CNTNAP5: variants seen among roughly 807,000 people sequenced by gnomAD.
CNTNAP5 encodes contactin associated protein family member 5.
CNTNAP5 carries 72 observed loss-of-function variants against 150.2 expected under a neutral mutation model. That is an observed-to-expected ratio of 0.48 (90% CI 0.40 to 0.58). The LOEUF (loss-of-function observed/expected upper bound fraction) is 0.58. CNTNAP5 is among the 20% of genes least tolerant of loss of function. The pLI is 0.00. For synonymous variants in CNTNAP5, 672 were observed against 619.8 expected, an observed-to-expected ratio of 1.08 and a Z score of -1.25; for missense variants, 1,636 against 1,626.2, an observed-to-expected ratio of 1.01 and a Z score of -0.10.
chr2:124,091,539 A>C (rs570676219), intron 1 of CNTNAP5, among the ~76,000 whole-genome samples: 157 of 152,312 alleles, frequency 1.0e-3, no homozygotes, highest in African/African-American at 3.5e-3. Flanking sequence ...GTTGCCAGGC[A>C]AATTCAGTGA....
At chr2:124,692,769 G>A (rs928375240) in intron 13 of CNTNAP5, among the ~76,000 whole-genome samples, 1 of 152,104 alleles carries the variant, frequency 6.6e-6, no homozygotes, top group South Asian at 2.1e-4. Context: ...CAGATGATGG[G>A]ATTAGAGTTG....
intron 22 of CNTNAP5, 74 bp from the exon 23 acceptor site, chr2:124,911,393 G>T: frequency 2.8e-6 from 3 of 1,077,078 alleles, no homozygotes; most frequent in Non-Finnish European, 4.2e-6. Context: ...TGTCATTCCA[G>T]GTGGGCCACA....
intron 12 of CNTNAP5, among the ~76,000 whole-genome samples, chr2:124,639,184 T>C (rs1678038276): frequency 6.6e-6 from 1 of 152,152 alleles, no homozygotes; most frequent in African/African-American, 2.4e-5. Flanking sequence ...GTACTTGCAG[T>C]ATAGCATGGG....
chr2:124,592,863 G>C (rs1024349111), intron 11 of CNTNAP5, among the ~76,000 whole-genome samples: 4 of 151,664 alleles, frequency 2.6e-5, no homozygotes, highest in African/African-American at 9.7e-5. Flanking sequence ...TTAGTGCTTT[G>C]TGATGCAAAT....
At chr2:124,599,689 C>G (rs1696935544) in intron 11 of CNTNAP5, among the ~76,000 whole-genome samples, 1 of 152,108 alleles carries the variant, frequency 6.6e-6, no homozygotes, top group African/African-American at 2.4e-5. Context: ...CATTTACTCT[C>G]ACAATATTAC....
chr2:124,368,263 G>C (rs1414198855), intron 3 of CNTNAP5, among the ~76,000 whole-genome samples: 1 of 152,134 alleles, frequency 6.6e-6, no homozygotes, highest in Non-Finnish European at 1.5e-5. Flanking sequence ...TCTGTAAGGA[G>C]ATACACAAAA....
At chr2:124,617,721 C>T (rs900012075) in intron 12 of CNTNAP5, among the ~76,000 whole-genome samples, 1 of 152,008 alleles carries the variant, frequency 6.6e-6, no homozygotes, top group African/African-American at 2.4e-5. Context: ...AAATTCAACC[C>T]TTAATAGTAT....
intron 1 of CNTNAP5, among the ~76,000 whole-genome samples, chr2:124,115,781 C>A (rs749395751): frequency 5.6e-4 from 68 of 121,554 alleles, no homozygotes; most frequent in Non-Finnish European, 1.0e-3. Context: ...GATGCCACCA[C>A]GCCTGGCTAA....
At chr2:124,514,837 G>A (rs1010324395) in intron 8 of CNTNAP5, among the ~76,000 whole-genome samples, 18 of 152,208 alleles carry the variant, frequency 1.2e-4, no homozygotes, top group African/African-American at 4.3e-4. Context: ...TTAGCTGCCT[G>A]GGGCCCAGAT....
chr2:124,491,706 A>T (rs1362715279), intron 7 of CNTNAP5, among the ~76,000 whole-genome samples: 1 of 151,530 alleles, frequency 6.6e-6, no homozygotes, highest in East Asian at 1.9e-4. Flanking sequence ...CATTACTACC[A>T]ATTGTGTACA....
chr2:124,889,187 C>A (rs1678143112), intron 21 of CNTNAP5, among the ~76,000 whole-genome samples: 1 of 150,282 alleles, frequency 6.7e-6, no homozygotes, highest in Non-Finnish European at 1.5e-5. Context: ...CAACCTCTGC[C>A]TCCCAGGTTT....
chr2:124,705,545 A>G (rs1046440312), intron 13 of CNTNAP5, among the ~76,000 whole-genome samples: 5 of 152,058 alleles, frequency 3.3e-5, no homozygotes, highest in Non-Finnish European at 7.4e-5. Flanking sequence ...TAAAAATAAT[A>G]AATAAATAAA....
intron 11 of CNTNAP5, among the ~76,000 whole-genome samples, chr2:124,592,148 CT>C (rs1427464225): frequency 6.6e-6 from 1 of 151,990 alleles, no homozygotes; most frequent in African/African-American, 2.4e-5. Flanking sequence ...TGATTTCTGT[CT>C]TTTTGCAAGC....
intron 11 of CNTNAP5, among the ~76,000 whole-genome samples, chr2:124,574,200 G>T (rs1158686712): frequency 6.6e-6 from 1 of 152,064 alleles, no homozygotes; most frequent in Admixed American, 6.6e-5. Flanking sequence ...TTGCGGGGGG[G>T]ACGGGGGATA....
chr2:124,796,350 C>A (rs536088674), intron 18 of CNTNAP5, among the ~76,000 whole-genome samples: 1 of 152,102 alleles, frequency 6.6e-6, no homozygotes, highest in African/African-American at 2.4e-5. Flanking sequence ...AATAAAAGTC[C>A]TTTATTTTGT....
intron 1 of CNTNAP5, among the ~76,000 whole-genome samples, chr2:124,094,055 AAC>A (rs549004853): frequency 1.1e-3 from 160 of 152,376 alleles, no homozygotes; most frequent in Middle Eastern, 3.4e-3. Flanking sequence ...TGAGTTTTGA[AAC>A]ACAGACTAAA....
At chr2:124,640,978 T>C (rs996687643) in intron 12 of CNTNAP5, among the ~76,000 whole-genome samples, 9 of 151,556 alleles carry the variant, frequency 5.9e-5, no homozygotes, top group Non-Finnish European at 1.2e-4. Flanking sequence ...AATACAAAAT[T>C]AGCTGGGCGT....
intron 19 of CNTNAP5, among the ~76,000 whole-genome samples, chr2:124,809,534 G>A (rs314713): frequency 0.73 from 110,585 of 151,518 alleles, 40,899 homozygotes; most frequent in East Asian, 0.86. Flanking sequence ...AGCCTCCTGC[G>A]TGTCTGGGAA....
intron 1 of CNTNAP5, among the ~76,000 whole-genome samples, chr2:124,140,037 T>G (rs1204757558): frequency 6.6e-6 from 1 of 152,052 alleles, no homozygotes; most frequent in African/African-American, 2.4e-5. Flanking sequence ...CAGACGCACC[T>G]GGAAAATCGG....
Sources: gnomAD v4.1 joint callset for allele counts (sites outside exome capture counted in the v4.1 genomes callset) on GRCh38, gnomAD v4.1.1 for gene constraint, MANE v1.5 for transcripts, NCBI Gene and HGNC (gene_info 2026-07-23, HGNC 2026-07-21) for gene names.